The following BCO2 variants were observed in gnomAD, a reference collection of about 807,000 sequenced individuals.
BCO2 encodes beta-carotene oxygenase 2, also known as carotenoid-cleaving dioxygenase, mitochondrial.
A neutral mutation model predicts 65.8 loss-of-function variants in BCO2; 56 were observed. The ratio of observed to expected loss-of-function variants is 0.85; its 90% CI spans 0.69 to 1.06. BCO2 has a LOEUF of 1.06. Ranked by LOEUF, BCO2 falls within the 50% of genes least tolerant of loss-of-function variation. The probability of loss-of-function intolerance (pLI) is 0.00; values close to 1 mark genes in which losing one functional copy is unlikely to be tolerated. For synonymous variants in BCO2, 233 were observed against 242.3 expected, an observed-to-expected ratio of 0.96 and a Z score of 0.36; for missense variants, 675 against 698.5, an observed-to-expected ratio of 0.97 and a Z score of 0.38.
intron 8 of BCO2, among the ~76,000 whole-genome samples, chr11:112,213,442 C>T (rs1204521549): frequency 6.6e-6 from 1 of 151,956 alleles, no homozygotes; most frequent in Non-Finnish European, 1.5e-5. Flanking sequence ...CGCACCTGGC[C>T]ACAAATATTT....
chr11:112,205,222 AC>A (rs1402815963), intron 8 of BCO2, among the ~76,000 whole-genome samples: 3 of 151,450 alleles, frequency 2.0e-5, no homozygotes, highest in African/African-American at 4.9e-5. Context: ...TTCTTTAGGA[AC>A]TCCTATACTG....
At chr11:112,217,562 A>G (rs1357810502) in intron 11 of BCO2, among the ~76,000 whole-genome samples, 199 bp from the exon 12 acceptor site, 1 of 152,004 alleles carries the variant, frequency 6.6e-6, no homozygotes, top group African/African-American at 2.4e-5. Flanking sequence ...GGGTTTTGCC[A>G]TGTTGCCGAG....
intron 10 of BCO2, chr11:112,215,701 C>T (rs1365693731): frequency 1.3e-5 from 2 of 151,034 alleles, no homozygotes; most frequent in Admixed American, 6.6e-5. Flanking sequence ...GTGCGAGATT[C>T]CGTCTCAAAA....
chr11:112,211,941 C>T (rs972821200), intron 8 of BCO2, among the ~76,000 whole-genome samples: 2 of 152,002 alleles, frequency 1.3e-5, no homozygotes, highest in East Asian at 1.9e-4. Flanking sequence ...TTATTTGAAG[C>T]GTCTTTTGGG....
intron 2 of BCO2, among the ~76,000 whole-genome samples, chr11:112,183,980 G>T (rs1867129629): frequency 6.6e-6 from 1 of 152,172 alleles, no homozygotes; most frequent in Non-Finnish European, 1.5e-5. Context: ...CTGAACACCA[G>T]ACCAAGCAAT....
chr11:112,217,874 A>G lies in BCO2; in HGVS notation c.1740A>G (p.Ter580TrpextTer13), dbSNP rs900146348. The change falls in exon 12 of 12, where the codon TGA (stop) becomes TGG (tryptophan). Residue 580 changes from the stop codon to tryptophan, a stop_lost. Transcript: ENST00000357685. ...TCCATGGTACCTTCATACCCATCTG[A>G]TGGGACAACCACAAGGTCTGGAAAC... ...YGFHGTFIPI[*>W] is the part of the protein sequence containing the mutation. 7 of 1,595,718 alleles carry G rather than the reference A, an allele frequency of 4.4e-6. No homozygotes were observed. In the African/African-American group the frequency reaches 9.4e-5, roughly 22 times the overall value.
chr11:112,179,395 C>T lies in BCO2; in HGVS notation c.206C>T (p.Ser69Phe). ...TTVEEAPRGI[S>F]ARVWGHFPKW... Reference sequence around the variant, plus strand: ...GTGGAAGAGGCTCCACGGGGCATCTCTGCTCGAGTCTGGGGACATTTTCCT... The same window carrying T: ...GTGGAAGAGGCTCCACGGGGCATCTTTGCTCGAGTCTGGGGACATTTTCCT... Residue 69 changes from serine to phenylalanine, a missense_variant, in exon 2 of 12, where the codon TCT becomes TTT. By Grantham distance (155) the Ser-to-Phe change is radical. Transcript: ENST00000357685. 1 of 1,614,174 alleles carries T rather than the reference C, an allele frequency of 6.2e-7. No homozygotes were observed. The highest frequency in any genetic ancestry group is 8.5e-7 in the Non-Finnish European group (1 of 1,180,034).
rs1390957998 is a variant in BCO2 at position 112,218,932 on chromosome 11, C to A, written c.*1058C>A. 6.6e-6 allele frequency: 1 copy of A among 151,950 alleles called. No individual in the cohort carries two copies. The highest frequency in any genetic ancestry group is 6.6e-5 in the Admixed American group (1 of 15,260). The allele number at this position is 151,950 out of a possible 1,614,324, so 9.4% of individuals were successfully genotyped here. A position where few individuals can be genotyped will look rare whatever the true frequency, so the allele number is the denominator to read the frequency against. ...AATAAGAATACACGAAATAAAAATT[C>A]ATGTATTTTGGTCATTACTGCAAGA... On this transcript the variant is annotated 3_prime_UTR_variant, in exon 12 of 12. Coordinates refer to ENST00000357685, the MANE Select transcript of BCO2 (RefSeq NM_031938.7).
chr11:112,214,013 G>T (rs984547816), intron 9 of BCO2, 152 bp downstream of exon 9: 5 of 594,766 alleles, frequency 8.4e-6, no homozygotes, highest in African/African-American at 7.3e-5. Flanking sequence ...CACAAGAATT[G>T]CAGAAACAGT....
intron 11 of BCO2, among the ~76,000 whole-genome samples, chr11:112,217,278 G>A (rs1287383640): frequency 6.6e-6 from 1 of 152,230 alleles, no homozygotes; most frequent in Non-Finnish European, 1.5e-5. Flanking sequence ...CAATTTGTGA[G>A]TGTATAGGTG....
intron 8 of BCO2, among the ~76,000 whole-genome samples, chr11:112,210,505 C>G (rs1859473627): frequency 6.6e-6 from 1 of 152,146 alleles, no homozygotes; most frequent in African/African-American, 2.4e-5. Flanking sequence ...GGTCCCAACC[C>G]AAAGGACTAG....
chr11:112,198,858 C>CTTT (rs34582291), intron 5 of BCO2, among the ~76,000 whole-genome samples: 1 of 145,342 alleles, frequency 6.9e-6, no homozygotes. Flanking sequence ...TGGCTGCTAT[C>CTTT]TTTTTTTTTT....
rs1302055033 is a variant in BCO2 at position 112,213,721 on chromosome 11, C to T, written c.1195-3C>T. 6 of 1,612,168 alleles carry T rather than the reference C, an allele frequency of 3.7e-6. No homozygotes were observed. In the African/African-American group the frequency reaches 8.0e-5, roughly 22 times the overall value. ...TTTTCATCTCTTTCTTCTTCCCAAACAGGTCCATAATTCAGCAGCCAAATC... is the reference window on the plus strand; with the variant it reads ...TTTTCATCTCTTTCTTCTTCCCAAATAGGTCCATAATTCAGCAGCCAAATC... On this transcript the variant is annotated splice_region_variant and splice_polypyrimidine_tract_variant and intron_variant, in intron 8 of 11. Coordinates refer to ENST00000357685, the MANE Select transcript of BCO2 (RefSeq NM_031938.7).
chr11:112,176,435 A>G (rs1866882595), intron 1 of BCO2: 1 of 137,954 alleles, frequency 7.2e-6, no homozygotes, highest in Non-Finnish European at 1.5e-5. Context: ...TGACATGGCA[A>G]CTGGATCTTG....
intron 9 of BCO2, 94 bp from the exon 10 acceptor site, chr11:112,214,667 CA>C: frequency 1.0e-6 from 1 of 1,001,656 alleles, no homozygotes; most frequent in African/African-American, 1.6e-5. Context: ...AGCCCTGTCA[CA>C]AACCTTTATA....
At chr11:112,193,433 T>C (rs1867458567) in intron 2 of BCO2, 41 bp from the exon 3 acceptor site, 2 of 1,547,860 alleles carry the variant, frequency 1.3e-6, no homozygotes, top group Non-Finnish European at 1.8e-6. Flanking sequence ...TTTTATCTCA[T>C]GTTTTCTTAC....
In BCO2 at chr11:112,217,928, A is replaced by G. The variant is rs979876434; in HGVS notation, c.*54A>G. 3.8e-6 allele frequency: 5 copies of G among 1,300,576 alleles called. No individual in the cohort carries two copies. Among genetic ancestry groups the G allele is most frequent in the Non-Finnish European group, 3.3e-6 (3 of 916,298 alleles). 80.6% of individuals were successfully genotyped at this position (1,300,576 alleles called of 1,614,324 possible). A position where few individuals can be genotyped will look rare whatever the true frequency, so the allele number is the denominator to read the frequency against. ...GTTTAAAATAAGTGTGCACTTGGACATAAAGACTGGAGAAATAAACACTGA... is the reference window on the plus strand; with the variant it reads ...GTTTAAAATAAGTGTGCACTTGGACGTAAAGACTGGAGAAATAAACACTGA... On this transcript the variant is annotated 3_prime_UTR_variant, in exon 12 of 12. Transcript: ENST00000357685.
chr11:112,217,842 T>A lies in BCO2; in HGVS notation c.1708T>A (p.Tyr570Asn). ...GRAEVPVQMP[Y>N]GFHGTFIPI ...AGCAGAGGTACCTGTGCAGATGCCT[T>A]ATGGGTTCCATGGTACCTTCATACC... is the stretch of plus-strand genomic sequence containing the variant. The change falls in exon 12 of 12, where the codon TAT (tyrosine) becomes AAT (asparagine). Residue 570 changes from tyrosine to asparagine, a missense_variant. Transcript: ENST00000357685. 1 of 1,614,020 alleles carries A rather than the reference T, an allele frequency of 6.2e-7. No individual in the cohort carries two copies. The highest frequency in any genetic ancestry group is 8.5e-7 in the Non-Finnish European group (1 of 1,179,894).
At chr11:112,214,666 A>C in intron 9 of BCO2, 96 bp from the exon 10 acceptor site, 2 of 981,890 alleles carry the variant, frequency 2.0e-6, no homozygotes, top group Non-Finnish European at 3.0e-6. Context: ...AAGCCCTGTC[A>C]CAAACCTTTA....
Sources: gnomAD v4.1 joint callset for allele counts (sites outside exome capture counted in the v4.1 genomes callset) on GRCh38, gnomAD v4.1.1 for gene constraint, MANE v1.5 for transcripts, NCBI Gene and HGNC (gene_info 2026-07-23, HGNC 2026-07-21) for gene names.